Variants in PVALEF observed in about 807,000 individuals in gnomAD.
The protein encoded by PVALEF is parvalbumin-like EF-hand-containing protein.
PVALEF carries 2 observed loss-of-function variants against 1.2 expected under a neutral mutation model. That is an observed-to-expected ratio of 1.68 (90% CI 0.69 to 5.28). The LOEUF (loss-of-function observed/expected upper bound fraction) is 5.28, where lower values mean the gene tolerates loss of function less well. PVALEF is among the 30% of genes most tolerant of loss of function. The pLI is 0.06. For synonymous variants in PVALEF, 16 were observed against 6.5 expected, an observed-to-expected ratio of 2.47 and a Z score of -2.24; for missense variants, 35 against 17.7, an observed-to-expected ratio of 1.97 and a Z score of -1.75.
chr17:81,167,835 G>A (rs2061504186), intron 2 of PVALEF, among the ~76,000 whole-genome samples: 1 of 152,246 alleles, frequency 6.6e-6, no homozygotes, highest in African/African-American at 2.4e-5. Context: ...CGTGGGTAGA[G>A]TGGCTGAAGG....
At position 81,172,317 on chromosome 17, in the gene PVALEF, T is replaced by C. The variant is rs183892432; in HGVS notation, c.-340+5473T>C. ...AGGGTGAACCCCACACAGAAGAATA[T>C]GGCAGGACCATGGACTCTTCCACCT... is the stretch of plus-strand genomic sequence containing the variant. On this transcript the variant is annotated intron_variant, in intron 2 of 6. Transcript: ENST00000637878. 2.5e-3 allele frequency among the ~76,000 whole-genome samples: 380 copies of C among 152,320 alleles called. 3 individuals carry two copies. The highest frequency in any genetic ancestry group is 3.8e-3 in the Non-Finnish European group (259 of 68,028).
intron 2 of PVALEF, among the ~76,000 whole-genome samples, chr17:81,172,223 C>A (rs546980620): frequency 6.6e-6 from 1 of 152,336 alleles, no homozygotes; most frequent in Admixed American, 6.5e-5. Flanking sequence ...TGGAGACAGA[C>A]TGCAATGTTA....
At chr17:81,166,569 G>T (rs866788154) in intron 1 of PVALEF, 108 bp from the exon 2 acceptor site, 8 of 380,280 alleles carry the variant, frequency 2.1e-5, no homozygotes, top group East Asian at 8.0e-5. Context: ...ACGCCGGGGT[G>T]GGGGAGGGGG....
At chr17:81,177,029 C>T (rs914405905) in intron 2 of PVALEF, among the ~76,000 whole-genome samples, 3 of 150,354 alleles carry the variant, frequency 2.0e-5, no homozygotes, top group Non-Finnish European at 1.5e-5. Flanking sequence ...CAAGTTCCAG[C>T]GATTCTGCTG....
At chr17:81,180,403 G>C (rs535941624) in intron 3 of PVALEF, among the ~76,000 whole-genome samples, 1 of 152,304 alleles carries the variant, frequency 6.6e-6, no homozygotes, top group South Asian at 2.1e-4. Flanking sequence ...TGAATGAAGT[G>C]GGGCGGGGCC....
intron 2 of PVALEF, among the ~76,000 whole-genome samples, chr17:81,175,520 T>G (rs985103027): frequency 6.6e-6 from 1 of 152,162 alleles, no homozygotes; most frequent in African/African-American, 2.4e-5. Context: ...GACTCCTACT[T>G]CCTGTTTTCA....
At position 81,178,605 on chromosome 17, in the gene PVALEF, G is replaced by A. The variant is rs1028543922; in HGVS notation, c.-339-313G>A. Among the ~76,000 whole-genome samples, 13 of 152,186 alleles carry A rather than the reference G, an allele frequency of 8.5e-5. 1 individual carries two copies. In the South Asian group the frequency reaches 1.2e-3, roughly 15 times the overall value. On this transcript the variant is annotated intron_variant, in intron 2 of 6. Coordinates refer to ENST00000637878, the MANE Select transcript of PVALEF (RefSeq NM_001354639.2). ...CCGGCCCAAGCCCGCAGGCTGGGCC[G>A]CAGCACCCACTCGGCTGCCCCTTCA...
chr17:81,171,772 G>A (rs755692408), intron 2 of PVALEF, among the ~76,000 whole-genome samples: 19 of 152,284 alleles, frequency 1.2e-4, no homozygotes, highest in Non-Finnish European at 2.1e-4. Flanking sequence ...GATTACAGGC[G>A]TGAGCCACCG....
At chr17:81,180,584 C>A (rs954875980) in intron 3 of PVALEF, among the ~76,000 whole-genome samples, 1 of 152,210 alleles carries the variant, frequency 6.6e-6, no homozygotes, top group Non-Finnish European at 1.5e-5. Flanking sequence ...CTCGCACAAC[C>A]CTGTGAAGGG....
At position 81,166,712 on chromosome 17, in the gene PVALEF, T is replaced by A. The variant is rs1309144795; in HGVS notation, c.-472T>A. 3 of 455,114 alleles carry A rather than the reference T, an allele frequency of 6.6e-6. No homozygotes were observed. Among genetic ancestry groups the A allele is most frequent in the Non-Finnish European group, 1.3e-5 (3 of 226,754 alleles). The allele number at this position is 455,114 out of a possible 1,614,324, so 28.2% of individuals were successfully genotyped here. Reference sequence around the variant, plus strand: ...GGCTGGCAGCCGCCCCCCCACCCCATGCCCTTTGGGTGGCACCTGTGCTGG... The same window carrying A: ...GGCTGGCAGCCGCCCCCCCACCCCAAGCCCTTTGGGTGGCACCTGTGCTGG... On this transcript the variant is annotated 5_prime_UTR_variant, in exon 2 of 7. It removes an upstream start codon present in the reference 5' UTR. Transcript: ENST00000637878.
At chr17:81,175,666 G>A (rs1055013974) in intron 2 of PVALEF, among the ~76,000 whole-genome samples, 1 of 152,188 alleles carries the variant, frequency 6.6e-6, no homozygotes, top group Non-Finnish European at 1.5e-5. Context: ...TGACAAGGGT[G>A]CCAAGACCAT....
chr17:81,173,780 T>A (rs540461631), intron 2 of PVALEF, among the ~76,000 whole-genome samples: 1 of 152,294 alleles, frequency 6.6e-6, no homozygotes, highest in East Asian at 1.9e-4. Flanking sequence ...AAAAACTGAA[T>A]TCAGCCACTC....
intron 6 of PVALEF, among the ~76,000 whole-genome samples, chr17:81,182,436 G>C (rs2061557947): frequency 6.6e-6 from 1 of 152,232 alleles, no homozygotes; most frequent in Non-Finnish European, 1.5e-5. Context: ...CACAGGCCTG[G>C]AGGGTGGAGG....
At chr17:81,181,047 G>A in intron 3 of PVALEF, 76 bp from the exon 4 acceptor site, 1 of 536,986 alleles carries the variant, frequency 1.9e-6, no homozygotes, top group Non-Finnish European at 3.3e-6. Flanking sequence ...CACCTGCCTG[G>A]CTGGGATCCC....
intron 1 of PVALEF, among the ~76,000 whole-genome samples, chr17:81,166,242 G>C (rs2146437535): frequency 8.0e-6 from 1 of 125,126 alleles, no homozygotes; most frequent in South Asian, 2.6e-4. Flanking sequence ...GCGGGAGCGC[G>C]CGCGGAGCGG....
At chr17:81,176,568 G>A (rs1319001917) in intron 2 of PVALEF, among the ~76,000 whole-genome samples, 4 of 151,446 alleles carry the variant, frequency 2.6e-5, no homozygotes, top group African/African-American at 9.7e-5. Context: ...TCACACCCCT[G>A]AGGATGGCTG....
At chr17:81,169,367 A>G (rs1002959393) in intron 2 of PVALEF, among the ~76,000 whole-genome samples, 14 of 151,918 alleles carry the variant, frequency 9.2e-5, no homozygotes, top group African/African-American at 3.4e-4. Flanking sequence ...TGGGAGGCCA[A>G]GGGGGGCGGA....
At chr17:81,181,504 G>A in intron 4 of PVALEF, 55 bp from the exon 5 acceptor site, 1 of 486,830 alleles carries the variant, frequency 2.1e-6, no homozygotes, top group Non-Finnish European at 3.6e-6. Context: ...GTCTTCCCTG[G>A]AGGCCCAGCT....
chr17:81,177,729 C>T (rs1429225664), intron 2 of PVALEF, among the ~76,000 whole-genome samples: 2 of 152,184 alleles, frequency 1.3e-5, no homozygotes, highest in African/African-American at 4.8e-5. Flanking sequence ...TTACCTCCAC[C>T]GTGTTCATCT....
Sources: gnomAD v4.1 joint callset for allele counts (sites outside exome capture counted in the v4.1 genomes callset) on GRCh38, gnomAD v4.1.1 for gene constraint, MANE v1.5 for transcripts, NCBI Gene and HGNC (gene_info 2026-07-23, HGNC 2026-07-21) for gene names.